PLBD2: variants seen among roughly 807,000 people sequenced by gnomAD.
PLBD2 encodes the protein putative aminopeptidase PLBD2.
A neutral mutation model predicts 68.3 loss-of-function variants in PLBD2; 51 were observed. That is an observed-to-expected ratio of 0.75 (90% CI 0.60 to 0.94). The LOEUF (loss-of-function observed/expected upper bound fraction) is 0.94, where lower values mean the gene tolerates loss of function less well. Among genes scored for constraint, PLBD2 ranks in the 40% least tolerant of loss-of-function variants. The pLI is 0.00. For missense variants in PLBD2, 729 were observed against 792.2 expected (o/e 0.92, Z 0.96); for synonymous variants, 314 against 339.3 (o/e 0.93, Z 0.82).
Position 113,384,332 on chromosome 12 carries a change from T to C in PLBD2, c.1118+67T>C. ...GATAGACCAACCTCCCCTTTAACAC[T>C]CACACTCCTGGGGACCAGATGTGGC... On this transcript the variant is annotated intron_variant, in intron 7 of 11. Transcript: ENST00000280800. The surrounding 1 kb of genome is among the most constrained non-coding windows in gnomAD (Gnocchi z 4.2). 1 of 1,535,040 alleles carries C rather than the reference T, an allele frequency of 6.5e-7. No individual in the cohort carries two copies.
chr12:113,370,177 G>A (rs900260865), intron 2 of PLBD2, among the ~76,000 whole-genome samples: 18 of 152,064 alleles, frequency 1.2e-4, no homozygotes, highest in African/African-American at 4.3e-4. Flanking sequence ...TGGGATTACA[G>A]GTGTGAGCCA....
chr12:113,387,234 C>A, intron 10 of PLBD2, 145 bp downstream of exon 10: 1 of 1,008,196 alleles, frequency 9.9e-7, no homozygotes, highest in Non-Finnish European at 1.4e-6. Context: ...GACACCAGTG[C>A]AGCAGCTCGG....
At chr12:113,359,152 T>A (rs1322995515) in intron 1 of PLBD2, among the ~76,000 whole-genome samples, 3 of 152,102 alleles carry the variant, frequency 2.0e-5, no homozygotes, top group Non-Finnish European at 4.4e-5. Context: ...AGAAGCCAGT[T>A]CCCTACCACC....
intron 1 of PLBD2, among the ~76,000 whole-genome samples, chr12:113,366,630 C>G (rs1957344613): frequency 6.6e-6 from 1 of 151,986 alleles, no homozygotes; most frequent in Admixed American, 6.6e-5. Flanking sequence ...GCACACCCCA[C>G]TGCACCTGTA....
chr12:113,388,415 C>A, intron 11 of PLBD2, 44 bp from the exon 12 acceptor site: 2 of 1,481,198 alleles, frequency 1.4e-6, no homozygotes, highest in South Asian at 1.3e-5. Context: ...TGGATTGGGG[C>A]AGGCCAGGAC....
Position 113,385,284 on chromosome 12 carries a change from G to T in PLBD2, c.1286+1G>T, listed in dbSNP as rs779098391. On this transcript the variant is annotated splice_donor_variant, in intron 9 of 11. Transcript: ENST00000280800. LOFTEE classifies it high-confidence loss of function. ...CCTACTGGGCCAGCTACAACATACC[G>T]TGCGTGCCTTCTCACTCCGCTCCCC... 5 of 1,613,674 alleles carry T rather than the reference G, an allele frequency of 3.1e-6. No individual in the cohort carries two copies. Among genetic ancestry groups the T allele is most frequent in the Non-Finnish European group, 2.5e-6 (3 of 1,179,732 alleles).
At position 113,372,804 on chromosome 12, in the gene PLBD2, C is replaced by G; in HGVS notation, c.540C>G (p.His180Gln). ...MESNPDSPYW[H>Q]QVRLTLLQLK... ...CAAACCCAGACTCACCTTACTGGCA[C>G]CAGGTGAGTCCTGCTGCCACGCTTG... Residue 180 changes from histidine (H) to glutamine (Q), a missense_variant, in exon 3 of 12, where the codon CAC becomes CAG. Physicochemically the swap from His to Gln is conservative, Grantham distance 24. Transcript: ENST00000280800. This position sits in a 1 kb window ranked among gnomAD's most constrained non-coding sequence, Gnocchi z 4.2. The G allele has an allele frequency of 6.2e-7, 1 of 1,612,590 alleles. No homozygotes were observed. The highest frequency in any genetic ancestry group is 1.7e-4 in the Middle Eastern group (1 of 6,058).
chr12:113,376,346 T>C (rs1366610709), intron 5 of PLBD2, among the ~76,000 whole-genome samples: 14 of 145,010 alleles, frequency 9.7e-5, no homozygotes, highest in Middle Eastern at 3.9e-3. Flanking sequence ...GTATTTTTAG[T>C]AGAGACGGGG....
In PLBD2 at chr12:113,389,907, T is replaced by A. The variant is rs527606565; in HGVS notation, c.*1281T>A. ...TTTTAGTAGAGACAGGGTTTCACCA[T>A]GTTGGCCAGGCTGGTCTCGAACTCC... On this transcript the variant is annotated 3_prime_UTR_variant, in exon 12 of 12. Transcript: ENST00000280800. 1 of 152,286 alleles carries A rather than the reference T, an allele frequency of 6.6e-6. No individual in the cohort carries two copies. The highest frequency in any genetic ancestry group is 2.4e-5 in the African/African-American group (1 of 41,544). The allele number at this position is 152,286 out of a possible 1,614,324, so 9.4% of individuals were successfully genotyped here.
At chr12:113,366,478 C>T (rs974770485) in intron 1 of PLBD2, among the ~76,000 whole-genome samples, 4 of 149,554 alleles carry the variant, frequency 2.7e-5, no homozygotes, top group African/African-American at 4.9e-5. Flanking sequence ...AACATATTTT[C>T]TCTTATTATT....
intron 2 of PLBD2, among the ~76,000 whole-genome samples, chr12:113,370,046 T>A (rs2136906167): frequency 6.6e-6 from 1 of 152,164 alleles, no homozygotes; most frequent in South Asian, 2.1e-4. Context: ...ATTACAGATG[T>A]GCACAACCAT....
rs958558441 is a variant in PLBD2, at chr12:113,358,910, C to T, written c.290+20C>T. The T allele has an allele frequency of 2.7e-6, 4 of 1,497,812 alleles. No homozygotes were observed. Among genetic ancestry groups the T allele is most frequent in the Non-Finnish European group, 3.6e-6 (4 of 1,126,554 alleles). 92.8% of individuals were successfully genotyped at this position (1,497,812 alleles called of 1,614,324 possible). A position where few individuals can be genotyped will look rare whatever the true frequency, so the allele number is the denominator to read the frequency against. ...GACTGGGTAAGGGTTGGCTTATCCCCACGCGGGGCCATCGGGGGAGGGGGA... is the reference window on the plus strand; with the variant it reads ...GACTGGGTAAGGGTTGGCTTATCCCTACGCGGGGCCATCGGGGGAGGGGGA... On this transcript the variant is annotated intron_variant, in intron 1 of 11. Transcript: ENST00000280800.
At chr12:113,379,397 A>T (rs1312294524) in intron 5 of PLBD2, among the ~76,000 whole-genome samples, 1 of 151,888 alleles carries the variant, frequency 6.6e-6, no homozygotes, top group Non-Finnish European at 1.5e-5. Context: ...GTCTGGGTAG[A>T]ATCCCTGCTC....
At position 113,383,090 on chromosome 12, in the gene PLBD2, T is replaced by C. The variant is rs374488126; in HGVS notation, c.958-1015T>C. ...AAATATGCTGAAGGCAGCCAAGGGT[T>C]CCAGCAGGAAATGGAGAAGGGAGAG... On this transcript the variant is annotated intron_variant, in intron 6 of 11. Transcript: ENST00000280800. 1.2e-4 allele frequency among the ~76,000 whole-genome samples: 18 copies of C among 152,246 alleles called. No individual in the cohort carries two copies. The South Asian group carries it at 3.5e-3, about 30-fold the overall frequency.
Position 113,388,608 on chromosome 12 carries a change from C to A in PLBD2, c.1752C>A (p.Val584=), listed in dbSNP as rs1223104963. 3 of 1,593,178 alleles carry A rather than the reference C, an allele frequency of 1.9e-6. No individual in the cohort carries two copies. Among genetic ancestry groups the A allele is most frequent in the African/African-American group, 2.7e-5 (2 of 74,224 alleles). ...CAGACCTCTGGAAGTTCGCGCCTGT[C>A]AAGGTTTCATGGGACTGAAGTTCTG... ...GQPDLWKFAP[V]KVSWD is the part of the protein sequence containing the mutation. Residue 584 remains valine (V), a synonymous_variant, in exon 12 of 12, where the codon GTC becomes GTA. Coordinates refer to ENST00000280800, the MANE Select transcript of PLBD2 (RefSeq NM_173542.4).
chr12:113,380,801 A>G lies in PLBD2; in HGVS notation c.916A>G (p.Ile306Val), dbSNP rs1411440674. Residue 306 changes from isoleucine (I) to valine (V), a missense_variant, in exon 6 of 12, where the codon ATC (isoleucine) becomes GTC (valine). By Grantham distance (29) the Ile-to-Val change is conservative. Transcript: ENST00000280800. ...GGTCTTCTCCTCCTACCCCGGCACC[A>G]TCTTCTCCTGCGACGACTTCTACAT... ...KLVFSSYPGT[I>V]FSCDDFYILG... is the part of the protein sequence containing the mutation. The G allele has an allele frequency of 6.4e-7, 1 of 1,557,160 alleles. No homozygotes were observed. The highest frequency in any genetic ancestry group is 1.2e-5 in the South Asian group (1 of 84,416).
Position 113,372,811 on chromosome 12 carries a change from A to T in PLBD2, c.543+4A>T, listed in dbSNP as rs200105028. The T allele has an allele frequency of 3.4e-4, 542 of 1,611,214 alleles. 1 individual carries two copies. Among genetic ancestry groups the T allele is most frequent in the Non-Finnish European group, 4.2e-4 (493 of 1,178,964 alleles). On this transcript the variant is annotated splice_donor_region_variant and intron_variant, in intron 3 of 11. Coordinates refer to ENST00000280800, the MANE Select transcript of PLBD2 (RefSeq NM_173542.4). This position sits in a 1 kb window ranked among gnomAD's most constrained non-coding sequence, Gnocchi z 4.2. ...AGACTCACCTTACTGGCACCAGGTGAGTCCTGCTGCCACGCTTGGTGGGAG... is the reference window on the plus strand; with the variant it reads ...AGACTCACCTTACTGGCACCAGGTGTGTCCTGCTGCCACGCTTGGTGGGAG...
At position 113,372,485 on chromosome 12, in the gene PLBD2, C is replaced by T. The variant is rs370634875; in HGVS notation, c.385-164C>T. Among the ~76,000 whole-genome samples the T allele has an allele frequency of 3.3e-3, 503 of 152,208 alleles. 2 individuals carry two copies. The highest frequency in any genetic ancestry group is 4.6e-3 in the Non-Finnish European group (314 of 68,002). On this transcript the variant is annotated intron_variant, in intron 2 of 11. Transcript: ENST00000280800. This position sits in a 1 kb window ranked among gnomAD's most constrained non-coding sequence, Gnocchi z 4.2. The stretch of plus-strand genomic sequence containing the variant: ...AGGGGCCTGGGGTCCCTATCCGGGG[C>T]AGAGCTGGGCAGGGAGAGGAGCCTC...
At chr12:113,385,046 T>C in intron 8 of PLBD2, 100 bp downstream of exon 8, 1 of 1,347,536 alleles carries the variant, frequency 7.4e-7, no homozygotes, top group Non-Finnish European at 1.0e-6. Context: ...GTGAACGATC[T>C]CAGGAGGGTG....
Sources: allele counts gnomAD v4.1 joint callset (sites outside exome capture counted in the v4.1 genomes callset), GRCh38; gene constraint gnomAD v4.1.1; non-coding constraint Gnocchi (gnomAD v3.1); transcripts MANE v1.5; gene names NCBI Gene and HGNC (gene_info 2026-07-23, HGNC 2026-07-21).